SLC5A1: variants seen among roughly 807,000 people sequenced by gnomAD.
The protein encoded by SLC5A1 is solute carrier family 5 member 1.
A neutral mutation model predicts 73.5 loss-of-function variants in SLC5A1; 42 were observed. That is an observed-to-expected ratio of 0.57 (90% CI 0.45 to 0.74). SLC5A1 has a LOEUF of 0.74. Among genes scored for constraint, SLC5A1 ranks in the 30% least tolerant of loss-of-function variants. SLC5A1 has a pLI of 0.00. For missense variants in SLC5A1, 634 were observed against 855.4 expected (o/e 0.74, Z 3.23); for synonymous variants, 300 against 317.4 (o/e 0.95, Z 0.58).
chr22:32,104,376 T>C (rs1200547121), intron 13 of SLC5A1, among the ~76,000 whole-genome samples: 1 of 152,264 alleles, frequency 6.6e-6, no homozygotes, highest in African/African-American at 2.4e-5. Flanking sequence ...CTCATGATTC[T>C]AGCTTCTTAT....
At chr22:32,078,954 CAAAAAAAAAAAA>C (rs6147589) in intron 5 of SLC5A1, among the ~76,000 whole-genome samples, 7 of 109,116 alleles carry the variant, frequency 6.4e-5, no homozygotes, top group African/African-American at 1.8e-4. Flanking sequence ...ACTCTGTCTC[CAAAAAAAAAAAA>C]AAAAAAAAAA....
chr22:32,062,392 C>T (rs1010386211), intron 2 of SLC5A1, among the ~76,000 whole-genome samples: 4 of 152,192 alleles, frequency 2.6e-5, no homozygotes, highest in Admixed American at 1.3e-4. Flanking sequence ...AATAAATAGC[C>T]TTTCTGCATT....
In SLC5A1 at chr22:32,060,144, TACACACACACACACACACAC is replaced by T. The variant is rs61064953; in HGVS notation, c.208-6767_208-6748del. On this transcript the variant is annotated intron_variant, in intron 2 of 14. Coordinates refer to ENST00000266088, the MANE Select transcript of SLC5A1 (RefSeq NM_000343.4). ...ATACATACACACATATATATACACATACACACACACACACACACACACACACACACACACACACACACATA... is the reference window on the plus strand; with the variant it reads ...ATACATACACACATATATATACACATACACACACACACACACACACACATA... Among the ~76,000 whole-genome samples, 7 of 125,160 alleles carry T rather than the reference TACACACACACACACACACAC, an allele frequency of 5.6e-5. No individual in the cohort carries two copies. In the East Asian group the frequency reaches 8.0e-4, roughly 14 times the overall value. 82.1% of individuals were successfully genotyped at this position (125,160 alleles called of 152,430 possible). A position where few individuals can be genotyped will look rare whatever the true frequency, so the allele number is the denominator to read the frequency against.
chr22:32,089,183 C>T (rs1336829163), intron 10 of SLC5A1, among the ~76,000 whole-genome samples: 2 of 152,182 alleles, frequency 1.3e-5, no homozygotes, highest in African/African-American at 2.4e-5. Flanking sequence ...TGAAATGGAC[C>T]TTTATCAACT....
intron 2 of SLC5A1, among the ~76,000 whole-genome samples, chr22:32,065,795 C>A (rs2093971933): frequency 6.6e-6 from 1 of 152,214 alleles, no homozygotes; most frequent in African/African-American, 2.4e-5. Flanking sequence ...TGGCACTAAG[C>A]ACCAGCTGCC....
At chr22:32,075,760 G>A (rs1477233558) in intron 5 of SLC5A1, among the ~76,000 whole-genome samples, 2 of 152,074 alleles carry the variant, frequency 1.3e-5, no homozygotes, top group East Asian at 1.9e-4. Context: ...ATCTGGGCAG[G>A]GGGTAGGGTA....
intron 3 of SLC5A1, among the ~76,000 whole-genome samples, chr22:32,067,509 C>T (rs939207836): frequency 6.6e-6 from 1 of 151,874 alleles, no homozygotes; most frequent in Non-Finnish European, 1.5e-5. Flanking sequence ...GTAGCTGGGA[C>T]TACAGGCATG....
At chr22:32,055,227 T>C (rs1180435082) in intron 2 of SLC5A1, among the ~76,000 whole-genome samples, 1 of 152,184 alleles carries the variant, frequency 6.6e-6, no homozygotes, top group Non-Finnish European at 1.5e-5. Flanking sequence ...AAGAGGACCA[T>C]TGTCCATGGG....
intron 2 of SLC5A1, among the ~76,000 whole-genome samples, chr22:32,059,974 T>G (rs1356382101): frequency 6.7e-6 from 1 of 148,854 alleles, no homozygotes; most frequent in African/African-American, 2.5e-5. Context: ...GTGGTTGAAG[T>G]GAAAATGCCG....
intron 13 of SLC5A1, among the ~76,000 whole-genome samples, 165 bp from the exon 14 acceptor site, chr22:32,104,620 GT>G (rs1342236619): frequency 6.6e-6 from 1 of 152,162 alleles, no homozygotes. Context: ...AGTTACCAAT[GT>G]TTTTAGAGAT....
intron 2 of SLC5A1, 126 bp downstream of exon 2, chr22:32,050,140 A>G: frequency 7.1e-6 from 6 of 848,416 alleles, no homozygotes; most frequent in Non-Finnish European, 1.2e-5. Flanking sequence ...GATTCTTGAC[A>G]GTGAGTCTCA....
At chr22:32,078,954 C>CAAAAAAAAA (rs6147589) in intron 5 of SLC5A1, among the ~76,000 whole-genome samples, 4 of 109,112 alleles carry the variant, frequency 3.7e-5, no homozygotes, top group African/African-American at 8.8e-5. Flanking sequence ...ACTCTGTCTC[C>CAAAAAAAAA]AAAAAAAAAA....
At chr22:32,047,404 C>T (rs905661948) in intron 1 of SLC5A1, among the ~76,000 whole-genome samples, 12 of 150,950 alleles carry the variant, frequency 7.9e-5, no homozygotes, top group African/African-American at 2.9e-4. Context: ...TTCAACTTCA[C>T]AGTGACCTTC....
At chr22:32,092,354 T>G (rs1326746954) in intron 11 of SLC5A1, among the ~76,000 whole-genome samples, 1 of 152,258 alleles carries the variant, frequency 6.6e-6, no homozygotes, top group East Asian at 1.9e-4. Context: ...TGTTGATTGA[T>G]GGGCATTTGG....
chr22:32,054,921 C>A (rs2093949609), intron 2 of SLC5A1, among the ~76,000 whole-genome samples: 1 of 152,118 alleles, frequency 6.6e-6, no homozygotes. Context: ...GTGATCTGCC[C>A]ACCTTGGCCT....
intron 5 of SLC5A1, among the ~76,000 whole-genome samples, chr22:32,073,015 T>C (rs1204665766): frequency 6.6e-6 from 1 of 152,246 alleles, no homozygotes; most frequent in Non-Finnish European, 1.5e-5. Context: ...TAATGTCCTC[T>C]GATGCACAAA....
rs761860994 is a variant in SLC5A1, at chr22:32,104,766, C to T, written c.1666-20C>T. The T allele has an allele frequency of 6.2e-6, 10 of 1,602,898 alleles. 1 individual carries two copies. The South Asian group carries it at 8.8e-5, about 14-fold the overall frequency. ...ATGCTATTTGGATCTTTCTGTTGACCTGTTCTGCCTTCTCTGCAGCTCTAC... is the reference window on the plus strand; with the variant it reads ...ATGCTATTTGGATCTTTCTGTTGACTTGTTCTGCCTTCTCTGCAGCTCTAC... On this transcript the variant is annotated intron_variant, in intron 13 of 14. Transcript: ENST00000266088.
Position 32,086,240 on chromosome 22 carries a change from C to T in SLC5A1, c.1042C>T (p.Pro348Ser). 6.2e-7 allele frequency: 1 copy of T among 1,613,792 alleles called. No individual in the cohort carries two copies. The highest frequency in any genetic ancestry group is 8.5e-7 in the Non-Finnish European group (1 of 1,179,680). Residue 348 changes from proline (P) to serine (S), a missense_variant, in exon 10 of 15, where the codon CCT (proline) becomes TCT (serine). This residue lies in a region of SLC5A1 where 422 missense variants were observed against 626.1 expected (regional missense o/e 0.67). Coordinates refer to ENST00000266088, the MANE Select transcript of SLC5A1 (RefSeq NM_000343.4). ...CCCAGAAAAAATTGCCTGTGTCGTC[C>T]CTTCAGAATGTGAGAAATATTGCGG... The part of the protein sequence containing the change: ...LYTEKIACVV[P>S]SECEKYCGTK...
At chr22:32,064,266 C>T (rs996943644) in intron 2 of SLC5A1, among the ~76,000 whole-genome samples, 4 of 151,910 alleles carry the variant, frequency 2.6e-5, no homozygotes, top group Non-Finnish European at 4.4e-5. Context: ...GAGGCCAAGG[C>T]GGATGGATTG....
Sources: gnomAD v4.1 joint callset for allele counts (sites outside exome capture counted in the v4.1 genomes callset) on GRCh38, gnomAD v4.1.1 for gene constraint, gnomAD v4.1.1 regional missense constraint, MANE v1.5 for transcripts, NCBI Gene and HGNC (gene_info 2026-07-23, HGNC 2026-07-21) for gene names.